SUGCT: variants seen among roughly 807,000 people sequenced by gnomAD.
SUGCT encodes the protein succinyl-CoA:glutarate-CoA transferase.
Under a neutral mutation model 55.0 loss-of-function variants are expected in SUGCT, and 41 were observed. That is an observed-to-expected ratio of 0.74 (90% CI 0.58 to 0.97). The LOEUF is 0.97. SUGCT is among the 50% of genes least tolerant of loss of function. SUGCT has a pLI of 0.00. For missense variants in SUGCT, 568 were observed against 547.8 expected, an observed-to-expected ratio of 1.04 and a Z score of -0.37; for synonymous variants, 187 against 200.4, an observed-to-expected ratio of 0.93 and a Z score of 0.56.
At chr7:40,313,033 C>T (rs1002753734) in intron 8 of SUGCT, among the ~76,000 whole-genome samples, 3 of 152,152 alleles carry the variant, frequency 2.0e-5, no homozygotes, top group Non-Finnish European at 2.9e-5. Flanking sequence ...TGGGCATATT[C>T]TTCCTCAAGC....
intron 13 of SUGCT, among the ~76,000 whole-genome samples, chr7:40,801,533 G>A (rs754566997): frequency 4.6e-5 from 7 of 152,074 alleles, no homozygotes; most frequent in African/African-American, 1.2e-4. Context: ...TAGATTTCAC[G>A]TGGACAATGA....
rs1414144748 is a variant in SUGCT, at chr7:40,496,386, G to A, written c.1089G>A (p.Gln363=). The A allele has an allele frequency of 1.2e-6, 2 of 1,608,342 alleles. No homozygotes were observed. The highest frequency in any genetic ancestry group is 1.7e-4 in the Middle Eastern group (1 of 6,050). ...TGAAGAATGTATTTGCAGAACCTCAGGTTTGTTTTTGAAGTTTAACAACGC... is the reference window on the plus strand; with the variant it reads ...TGAAGAATGTATTTGCAGAACCTCAAGTTTGTTTTTGAAGTTTAACAACGC... ...NNMKNVFAEP[Q]VLHNGLVMEM... The change falls in exon 12 of 14, where the codon CAG becomes CAA. Residue 363 remains glutamine, a splice_region_variant and synonymous_variant. Coordinates refer to ENST00000335693, the MANE Select transcript of SUGCT (RefSeq NM_001193313.2).
intron 12 of SUGCT, among the ~76,000 whole-genome samples, chr7:40,588,331 G>A (rs2329818): frequency 0.067 from 10,132 of 151,826 alleles, 457 homozygotes; most frequent in Middle Eastern, 0.11. Flanking sequence ...CGCTGCATGC[G>A]AAATAAACTT....
the SUGCT span, among the ~76,000 whole-genome samples, chr7:41,033,074 A>C: frequency 6.6e-6 from 1 of 152,144 alleles, no homozygotes; most frequent in Non-Finnish European, 1.5e-5. Flanking sequence ...AAAACACCCC[A>C]ATTTAAGCCC....
At chr7:40,768,671 C>T (rs752279475) in intron 13 of SUGCT, among the ~76,000 whole-genome samples, 11 of 152,288 alleles carry the variant, frequency 7.2e-5, no homozygotes, top group Admixed American at 3.9e-4. Flanking sequence ...CCCTATAGGC[C>T]GTTCATTTTC....
intron 8 of SUGCT, 118 bp downstream of exon 8, chr7:40,274,774 A>C (rs547669236): frequency 1.2e-5 from 11 of 898,412 alleles, no homozygotes; most frequent in Non-Finnish European, 1.9e-5. Context: ...ACACAACAAC[A>C]CTGAAAACTG....
At chr7:40,505,865 T>G (rs889531147) in intron 12 of SUGCT, among the ~76,000 whole-genome samples, 4 of 152,094 alleles carry the variant, frequency 2.6e-5, no homozygotes, top group Non-Finnish European at 5.9e-5. Flanking sequence ...TTGATTTGAG[T>G]TATTAAATGG....
intron 13 of SUGCT, among the ~76,000 whole-genome samples, chr7:40,849,738 G>T (rs1167901684): frequency 6.6e-6 from 1 of 151,842 alleles, no homozygotes; most frequent in Middle Eastern, 3.2e-3. Context: ...TGTTACGGAG[G>T]GATCTCAAAA....
chr7:40,873,860 AT>A, the SUGCT span, among the ~76,000 whole-genome samples: 1 of 152,218 alleles, frequency 6.6e-6, no homozygotes, highest in Non-Finnish European at 1.5e-5. Context: ...TACCTAAGAA[AT>A]GCCAGTGTTG....
chr7:40,595,017 GA>G (rs1309221853), intron 12 of SUGCT, among the ~76,000 whole-genome samples: 3 of 151,688 alleles, frequency 2.0e-5, no homozygotes, highest in Non-Finnish European at 4.4e-5. Flanking sequence ...CATTGGCCCT[GA>G]ATATGAAAAA....
intron 6 of SUGCT, among the ~76,000 whole-genome samples, chr7:40,223,365 T>C (rs1788155928): frequency 6.6e-6 from 1 of 152,194 alleles, no homozygotes; most frequent in Non-Finnish European, 1.5e-5. Flanking sequence ...CCAGCCTGTT[T>C]TTATTTCTTG....
intron 12 of SUGCT, chr7:40,498,971 T>C (rs1178577500): frequency 2.4e-6 from 1 of 420,938 alleles, no homozygotes; most frequent in Non-Finnish European, 4.8e-6. Context: ...CCTTTTATTT[T>C]TCATTTTCCG....
At chr7:40,590,756 C>T (rs964506773) in intron 12 of SUGCT, among the ~76,000 whole-genome samples, 9 of 152,164 alleles carry the variant, frequency 5.9e-5, no homozygotes, top group African/African-American at 1.4e-4. Context: ...TGCTCCTTGA[C>T]AATTCTGCAA....
chr7:40,483,829 A>G lies in SUGCT; in HGVS notation c.987-12455A>G, dbSNP rs149455332. Among the ~76,000 whole-genome samples, 752 of 152,316 alleles carry G rather than the reference A, an allele frequency of 4.9e-3. 10 individuals carry two copies. The highest frequency in any genetic ancestry group is 0.017 in the African/African-American group (703 of 41,580). On this transcript the variant is annotated intron_variant, in intron 11 of 13. Coordinates refer to ENST00000335693, the MANE Select transcript of SUGCT (RefSeq NM_001193313.2). ...AGATATACCATGCTCCCTCTATCGG[A>G]CAATAGCAAAAGTTGGTGAGAATAT...
chr7:40,539,601 T>C (rs1321857637), intron 12 of SUGCT: 1 of 152,210 alleles, frequency 6.6e-6, no homozygotes, highest in African/African-American at 2.4e-5. Flanking sequence ...AGGGAGACAT[T>C]TCTTCTCTCA....
chr7:40,667,167 T>C (rs1298330824), intron 12 of SUGCT, among the ~76,000 whole-genome samples: 2 of 152,078 alleles, frequency 1.3e-5, no homozygotes, highest in Non-Finnish European at 2.9e-5. Context: ...TGATGATTTC[T>C]AATGAGATAG....
intron 7 of SUGCT, among the ~76,000 whole-genome samples, chr7:40,265,263 GT>G (rs1027057266): frequency 6.6e-6 from 1 of 152,160 alleles, no homozygotes; most frequent in African/African-American, 2.4e-5. Flanking sequence ...CTTAAAAAAA[GT>G]TTTAACACTT....
intron 12 of SUGCT, among the ~76,000 whole-genome samples, chr7:40,514,774 A>T (rs1396200992): frequency 6.6e-6 from 1 of 151,756 alleles, no homozygotes; most frequent in East Asian, 1.9e-4. Flanking sequence ...TTTGCTTCAA[A>T]GCCAGCAACA....
intron 13 of SUGCT, among the ~76,000 whole-genome samples, chr7:40,805,980 C>T (rs1791069364): frequency 1.3e-5 from 2 of 152,158 alleles, no homozygotes; most frequent in Admixed American, 1.3e-4. Context: ...GTGCGTGCAT[C>T]TTAGAAAGCC....
Sources: gnomAD v4.1 joint callset for allele counts (sites outside exome capture counted in the v4.1 genomes callset) on GRCh38, gnomAD v4.1.1 for gene constraint, MANE v1.5 for transcripts, NCBI Gene and HGNC (gene_info 2026-07-23, HGNC 2026-07-21) for gene names.